The following ANKS1A variants were observed in gnomAD, a reference collection of about 807,000 sequenced individuals.
The protein encoded by ANKS1A is ankyrin repeat and sterile alpha motif domain containing 1A, also known as ankyrin repeat and SAM domain-containing protein 1A.
ANKS1A carries 55 observed loss-of-function variants against 120.3 expected under a neutral mutation model. The ratio of observed to expected loss-of-function variants is 0.46; its 90% CI spans 0.37 to 0.57. The LOEUF is 0.57. ANKS1A is among the 20% of genes least tolerant of loss of function. The pLI is 0.00. For synonymous variants in ANKS1A, 590 were observed against 604.7 expected, an observed-to-expected ratio of 0.98 and a Z score of 0.36; for missense variants, 1,123 against 1,480.3, an observed-to-expected ratio of 0.76 and a Z score of 3.96.
rs114605160 is a variant in ANKS1A at position 35,041,348 on chromosome 6, G to A, written c.2011-12751G>A. ...TGATCGCTCTGGAATCTTCTTGCAGGCTGAGATTGGAGATGGCCTTTGAAT... is the reference window on the plus strand; with the variant it reads ...TGATCGCTCTGGAATCTTCTTGCAGACTGAGATTGGAGATGGCCTTTGAAT... On this transcript the variant is annotated intron_variant, in intron 11 of 23. Transcript: ENST00000360359. Among the ~76,000 whole-genome samples, 1,298 of 152,332 alleles carry A rather than the reference G, an allele frequency of 8.5e-3. 9 individuals are homozygous for A. Among genetic ancestry groups the A allele is most frequent in the Middle Eastern group, 0.02 (6 of 294 alleles).
At position 35,089,024 on chromosome 6, in the gene ANKS1A, T is replaced by C; in HGVS notation, c.*415T>C. On this transcript the variant is annotated 3_prime_UTR_variant, in exon 24 of 24. Coordinates refer to ENST00000360359, the MANE Select transcript of ANKS1A (RefSeq NM_015245.3). ...GGTTCAGAGGCCAGCCTGCATAGCC[T>C]CTGTCCTCAGGACGGAACTTGGGTG... 8.9e-7 allele frequency: 1 copy of C among 1,125,460 alleles called. No individual in the cohort carries two copies. Among genetic ancestry groups the C allele is most frequent in the Non-Finnish European group, 1.1e-6 (1 of 912,006 alleles). 69.7% of individuals were successfully genotyped at this position (1,125,460 alleles called of 1,614,324 possible).
At chr6:34,958,712 A>G (rs939110308) in intron 1 of ANKS1A, among the ~76,000 whole-genome samples, 2 of 152,158 alleles carry the variant, frequency 1.3e-5, no homozygotes, top group Admixed American at 6.5e-5. Flanking sequence ...AGCCACTCGT[A>G]GTTACTTGCA....
In ANKS1A at chr6:35,090,760, G is replaced by A; in HGVS notation, c.*2151G>A. On this transcript the variant is annotated 3_prime_UTR_variant, in exon 24 of 24. Coordinates refer to ENST00000360359, the MANE Select transcript of ANKS1A (RefSeq NM_015245.3). ...TCTCCAAGTGCAGGTCACACCAGGG[G>A]CAGACCCTGTCGCTGCGTTTCTGAA... 3 of 986,494 alleles carry A rather than the reference G, an allele frequency of 3.0e-6. No individual in the cohort carries two copies. The highest frequency in any genetic ancestry group is 3.6e-6 in the Non-Finnish European group (3 of 830,794). The allele number at this position is 986,494 out of a possible 1,614,324, so 61.1% of individuals were successfully genotyped here.
Position 35,090,142 on chromosome 6 carries a change from G to T in ANKS1A, c.*1533G>T. On this transcript the variant is annotated 3_prime_UTR_variant, in exon 24 of 24. Transcript: ENST00000360359. ...GGGCCTGGGACTCAGCTCTCTCTGCGGTAGAGGCAGGCCCTCCTCCACTTC... is the reference window on the plus strand; with the variant it reads ...GGGCCTGGGACTCAGCTCTCTCTGCTGTAGAGGCAGGCCCTCCTCCACTTC... 7.8e-7 allele frequency: 1 copy of T among 1,289,428 alleles called. No homozygotes were observed. Among genetic ancestry groups the T allele is most frequent in the Non-Finnish European group, 1.0e-6 (1 of 988,874 alleles). 79.9% of individuals were successfully genotyped at this position (1,289,428 alleles called of 1,614,324 possible). A position where few individuals can be genotyped will look rare whatever the true frequency, so the allele number is the denominator to read the frequency against.
At chr6:35,016,410 G>A (rs1581648811) in intron 10 of ANKS1A, among the ~76,000 whole-genome samples, 1 of 152,214 alleles carries the variant, frequency 6.6e-6, no homozygotes, top group African/African-American at 2.4e-5. Context: ...TGGAATGTGA[G>A]CTAGTGCTGG....
At chr6:35,004,086 G>T (rs532938331) in intron 10 of ANKS1A, among the ~76,000 whole-genome samples, 7 of 152,222 alleles carry the variant, frequency 4.6e-5, no homozygotes, top group Admixed American at 2.6e-4. Context: ...CTAACCACCG[G>T]TGCATGCAGC....
chr6:34,957,431 T>C (rs1237411578), intron 1 of ANKS1A, among the ~76,000 whole-genome samples: 1 of 152,246 alleles, frequency 6.6e-6, no homozygotes, highest in Non-Finnish European at 1.5e-5. Context: ...ATGAAATCTT[T>C]TCTAAATTAG....
At chr6:34,979,302 T>C (rs991711440) in intron 3 of ANKS1A, among the ~76,000 whole-genome samples, 6 of 152,194 alleles carry the variant, frequency 3.9e-5, no homozygotes, top group African/African-American at 1.4e-4. Context: ...CCTACAGTAA[T>C]AAGAGCTTAT....
intron 10 of ANKS1A, among the ~76,000 whole-genome samples, chr6:34,994,793 G>A (rs559816509): frequency 6.6e-6 from 1 of 152,292 alleles, no homozygotes; most frequent in South Asian, 2.1e-4. Context: ...TTGGGTTCAG[G>A]CTGACGGCAC....
intron 2 of ANKS1A, among the ~76,000 whole-genome samples, chr6:34,969,652 A>G (rs775067130): frequency 2.6e-4 from 40 of 152,212 alleles, no homozygotes; most frequent in Non-Finnish European, 5.1e-4. Flanking sequence ...GTCTTGTATG[A>G]TTACTTTTAT....
intron 9 of ANKS1A, among the ~76,000 whole-genome samples, chr6:34,993,997 G>A (rs995386743): frequency 6.6e-6 from 1 of 152,076 alleles, no homozygotes; most frequent in Non-Finnish European, 1.5e-5. Flanking sequence ...TTAGAGACAG[G>A]ATCTTGTTCT....
At position 35,017,611 on chromosome 6, in the gene ANKS1A, G is replaced by C; in HGVS notation, c.1562G>C (p.Cys521Ser). Residue 521 changes from cysteine to serine, a missense_variant, in exon 11 of 24, where the codon TGT becomes TCT. By Grantham distance (112) the Cys-to-Ser change is moderately radical. Around this residue, in one of 3 missense-constraint regions of ANKS1A, gnomAD observed 904 missense variants for 1,130.4 expected, o/e 0.80. Coordinates refer to ENST00000360359, the MANE Select transcript of ANKS1A (RefSeq NM_015245.3). ...GGGCAGGACCCTTTCCAGCTGCTCT[G>C]TACCGCTGGCCAGAGCCATCCAGAC... is the stretch of plus-strand genomic sequence containing the variant. The part of the protein sequence containing the change: ...EVGQDPFQLL[C>S]TAGQSHPDGS... The C allele has an allele frequency of 6.2e-7, 1 of 1,613,862 alleles. No homozygotes were observed. The highest frequency in any genetic ancestry group is 1.1e-5 in the South Asian group (1 of 91,072).
At chr6:35,018,855 A>C (rs1310912758) in intron 11 of ANKS1A, among the ~76,000 whole-genome samples, 1 of 152,186 alleles carries the variant, frequency 6.6e-6, no homozygotes, top group Non-Finnish European at 1.5e-5. Flanking sequence ...TGAAAAGGAC[A>C]CGAGCTCATT....
Position 34,889,618 on chromosome 6 carries a change from C to T in ANKS1A, c.197+19C>T. 1 of 1,282,500 alleles carries T rather than the reference C, an allele frequency of 7.8e-7. No individual in the cohort carries two copies. The allele number at this position is 1,282,500 out of a possible 1,614,324, so 79.4% of individuals were successfully genotyped here. A position where few individuals can be genotyped will look rare whatever the true frequency, so the allele number is the denominator to read the frequency against. On this transcript the variant is annotated intron_variant, in intron 1 of 23. Transcript: ENST00000360359. This position sits in a 1 kb window ranked among gnomAD's most constrained non-coding sequence, Gnocchi z 5.5. Reference sequence around the variant, plus strand: ...TGCTCAGGTGGGTACGCGCCAGGGCCGGGCCGCTGCCTGCAGACCCTTTCT... The same window carrying T: ...TGCTCAGGTGGGTACGCGCCAGGGCTGGGCCGCTGCCTGCAGACCCTTTCT...
At chr6:35,069,718 T>TATA (rs200615406) in intron 13 of ANKS1A, among the ~76,000 whole-genome samples, 4 of 13,258 alleles carry the variant, frequency 3.0e-4, no homozygotes, top group African/African-American at 3.2e-4. Context: ...TATATATATA[T>TATA]TTTTTTTTTT....
chr6:34,982,603 A>G lies in ANKS1A; in HGVS notation c.733-149A>G. 1.2e-6 allele frequency: 1 copy of G among 838,448 alleles called. No individual in the cohort carries two copies. The highest frequency in any genetic ancestry group is 1.7e-5 in the South Asian group (1 of 60,082). The allele number at this position is 838,448 out of a possible 1,614,324, so 51.9% of individuals were successfully genotyped here. A position where few individuals can be genotyped will look rare whatever the true frequency, so the allele number is the denominator to read the frequency against. On this transcript the variant is annotated intron_variant, in intron 4 of 23. Transcript: ENST00000360359. This position sits in a 1 kb window ranked among gnomAD's most constrained non-coding sequence, Gnocchi z 4.9. Reference sequence around the variant, plus strand: ...GGCCATGATCGTGGTTTTGGAATCCACACAAGAAAAGCTGGAAAGATAATG... The same window carrying G: ...GGCCATGATCGTGGTTTTGGAATCCGCACAAGAAAAGCTGGAAAGATAATG...
intron 9 of ANKS1A, among the ~76,000 whole-genome samples, chr6:34,991,240 T>C (rs1223259772): frequency 1.3e-5 from 2 of 152,140 alleles, no homozygotes; most frequent in Non-Finnish European, 2.9e-5. Flanking sequence ...ATCAGATTAA[T>C]GACCTGATCA....
chr6:35,028,724 A>G (rs1774751855), intron 11 of ANKS1A, among the ~76,000 whole-genome samples: 2 of 152,210 alleles, frequency 1.3e-5, no homozygotes, highest in Admixed American at 1.3e-4. Context: ...TTTTTCATGT[A>G]ATAGTAATTT....
chr6:35,095,042 G>T (rs1778417202), downstream of ANKS1A, among the ~76,000 whole-genome samples: 1 of 150,830 alleles, frequency 6.6e-6, no homozygotes, highest in Admixed American at 6.6e-5. Context: ...TCTGGAGGCT[G>T]AGGTGGCAGA....
Sources: gnomAD v4.1 joint callset for allele counts (sites outside exome capture counted in the v4.1 genomes callset) on GRCh38, gnomAD v4.1.1 for gene constraint, gnomAD v4.1.1 regional missense constraint, Gnocchi (gnomAD v3.1) non-coding constraint, MANE v1.5 for transcripts, NCBI Gene and HGNC (gene_info 2026-07-23, HGNC 2026-07-21) for gene names.